The following COL4A2 variants were observed in gnomAD, a reference collection of about 807,000 sequenced individuals.
COL4A2 encodes the protein collagen type IV alpha 2 chain.
Under a neutral mutation model 200.2 loss-of-function variants are expected in COL4A2, and 99 were observed. The ratio of observed to expected loss-of-function variants is 0.49; its 90% confidence interval spans 0.42 to 0.58. COL4A2 has a LOEUF of 0.58. COL4A2 is among the 20% of genes least tolerant of loss of function. COL4A2 has a pLI of 0.00. For synonymous variants in COL4A2, 897 were observed against 900.6 expected, an observed-to-expected ratio of 1.00 and a Z score of 0.07; for missense variants, 1,950 against 2,314.1, an observed-to-expected ratio of 0.84 and a Z score of 3.23.
chr13:110,434,365 C>G, intron 11 of COL4A2, 36 bp from the exon 12 acceptor site: 2 of 1,589,136 alleles, frequency 1.3e-6, no homozygotes, highest in Non-Finnish European at 1.7e-6. Flanking sequence ...TGATTATTGG[C>G]TTTTTAAAAC....
chr13:110,465,359 T>C (rs776983530), intron 24 of COL4A2, 46 bp from the exon 25 acceptor site: 5 of 1,546,528 alleles, frequency 3.2e-6, no homozygotes, highest in Non-Finnish European at 4.3e-6. Context: ...GAGGCGATCT[T>C]TAACATTAGT....
intron 4 of COL4A2, among the ~76,000 whole-genome samples, chr13:110,378,699 G>T (rs754207150): frequency 6.6e-6 from 1 of 152,206 alleles, no homozygotes; most frequent in Non-Finnish European, 1.5e-5. Flanking sequence ...ACCCACCCCA[G>T]TGGGCACTTC....
intron 3 of COL4A2, among the ~76,000 whole-genome samples, chr13:110,340,430 T>C (rs1566481879): frequency 6.6e-6 from 1 of 152,156 alleles, no homozygotes; most frequent in Non-Finnish European, 1.5e-5. Context: ...TGACTACAAA[T>C]ACAGCAAATC....
chr13:110,479,694 T>C (rs974009327), intron 30 of COL4A2, among the ~76,000 whole-genome samples: 4 of 152,104 alleles, frequency 2.6e-5, no homozygotes, highest in Non-Finnish European at 4.4e-5. Context: ...CTTGGACGGC[T>C]TGGAGTCGGG....
chr13:110,317,445 A>G (rs7334237), intron 3 of COL4A2, among the ~76,000 whole-genome samples: 32,537 of 152,028 alleles, frequency 0.21, 4,256 homozygotes, highest in East Asian at 0.52. Context: ...TCTTCATGGG[A>G]GCAGCCAAGG....
rs201158095 is a variant in COL4A2 at position 110,507,963 on chromosome 13, C to G, written c.4623C>G (p.Phe1541Leu). Residue 1541 changes from phenylalanine (F) to leucine (L), a missense_variant, in exon 47 of 48, where the codon TTC becomes TTG. Coordinates refer to ENST00000360467, the MANE Select transcript of COL4A2 (RefSeq NM_001846.4). ...LGLAGSCLARFSTMPFLYCNP... is the reference protein window; with the variant it reads ...LGLAGSCLARLSTMPFLYCNP... ...TGGCGGGCTCCTGCCTGGCGCGGTT[C>G]AGCACCATGCCCTTCCTGTACTGCA... 134 of 1,613,994 alleles carry G rather than the reference C, an allele frequency of 8.3e-5. No individual in the cohort carries two copies. The highest frequency in any genetic ancestry group is 1.1e-4 in the Non-Finnish European group (133 of 1,180,038).
At chr13:110,342,496 T>C (rs1434109359) in intron 3 of COL4A2, among the ~76,000 whole-genome samples, 1 of 152,104 alleles carries the variant, frequency 6.6e-6, no homozygotes, top group Non-Finnish European at 1.5e-5. Context: ...GGGAAGATGA[T>C]AAAATGCAGG....
intron 29 of COL4A2, among the ~76,000 whole-genome samples, chr13:110,476,949 T>C (rs1882726714): frequency 6.6e-6 from 1 of 152,188 alleles, no homozygotes; most frequent in African/African-American, 2.4e-5. Flanking sequence ...AAAATTAAAC[T>C]TTGAGCAGCA....
At chr13:110,363,921 G>A (rs532355696) in intron 4 of COL4A2, among the ~76,000 whole-genome samples, 2 of 152,124 alleles carry the variant, frequency 1.3e-5, no homozygotes, top group East Asian at 1.9e-4. Context: ...GGCTGGTCTC[G>A]AACTTCTGAC....
intron 19 of COL4A2, among the ~76,000 whole-genome samples, chr13:110,450,083 G>T (rs904830581): frequency 2.6e-5 from 4 of 152,216 alleles, no homozygotes; most frequent in South Asian, 2.1e-4. Context: ...TTGTTGCCCA[G>T]TGTTGATCAC....
chr13:110,426,692 CAGATT>C lies in COL4A2; in HGVS notation c.360+1701_360+1705del, dbSNP rs760428767. 1.1e-3 allele frequency among the ~76,000 whole-genome samples: 173 copies of C among 152,198 alleles called. 1 individual carries two copies. The highest frequency in any genetic ancestry group is 6.2e-4 in the Non-Finnish European group (42 of 68,040). On this transcript the variant is annotated intron_variant, in intron 6 of 47. Transcript: ENST00000360467. Reference sequence around the variant, plus strand: ...TTTCTTTGAAGCACAATTTCAGACTCAGATTAGATTGACATGCAATTTCAAATAGA... The same window carrying C: ...TTTCTTTGAAGCACAATTTCAGACTCAGATTGACATGCAATTTCAAATAGA...
intron 24 of COL4A2, chr13:110,463,093 A>G (rs1275806221): frequency 1.3e-5 from 2 of 154,542 alleles, no homozygotes; most frequent in Non-Finnish European, 2.9e-5. Context: ...CAGCTTAGAC[A>G]TCAGAAATGT....
At chr13:110,441,050 A>G (rs2139470165) in intron 16 of COL4A2, among the ~76,000 whole-genome samples, 1 of 152,232 alleles carries the variant, frequency 6.6e-6, no homozygotes, top group East Asian at 1.9e-4. Flanking sequence ...TTTCCAGCAA[A>G]CATGCAGTCA....
intron 10 of COL4A2, among the ~76,000 whole-genome samples, chr13:110,432,034 G>C (rs1458899120): frequency 6.6e-6 from 1 of 152,134 alleles, no homozygotes; most frequent in Non-Finnish European, 1.5e-5. Context: ...CCTTGCAAAG[G>C]GATCAGAACA....
chr13:110,458,634 C>T (rs755314222), intron 21 of COL4A2, 137 bp from the exon 22 acceptor site: 3 of 975,642 alleles, frequency 3.1e-6, no homozygotes, highest in South Asian at 1.6e-5. Context: ...AAATGGGGGT[C>T]ATAGTGCCCA....
chr13:110,392,973 T>C (rs1879044022), intron 4 of COL4A2, among the ~76,000 whole-genome samples: 1 of 152,216 alleles, frequency 6.6e-6, no homozygotes, highest in Admixed American at 6.5e-5. Context: ...AAAACTTACA[T>C]GGAGGATTCT....
At chr13:110,354,615 C>T (rs555838208) in intron 3 of COL4A2, among the ~76,000 whole-genome samples, 1 of 147,324 alleles carries the variant, frequency 6.8e-6, no homozygotes, top group Admixed American at 6.6e-5. Flanking sequence ...TGGGACTTTC[C>T]ACTTTTTGGA....
chr13:110,456,599 A>G (rs976220455), intron 20 of COL4A2: 18 of 370,426 alleles, frequency 4.9e-5, no homozygotes, highest in Non-Finnish European at 9.6e-5. Context: ...CTATCGCCAC[A>G]AAATAGTCTA....
At chr13:110,393,255 G>A (rs78176104) in intron 4 of COL4A2, among the ~76,000 whole-genome samples, 13,843 of 152,160 alleles carry the variant, frequency 0.091, 998 homozygotes, top group East Asian at 0.36. Flanking sequence ...GGCTATTTAA[G>A]GGAAACATAA....
Sources: gnomAD v4.1 joint callset for allele counts (sites outside exome capture counted in the v4.1 genomes callset) on GRCh38, gnomAD v4.1.1 for gene constraint, MANE v1.5 for transcripts, NCBI Gene and HGNC (gene_info 2026-07-23, HGNC 2026-07-21) for gene names.